The following LIN7A variants were observed in gnomAD, a reference collection of about 807,000 sequenced individuals.
The protein encoded by LIN7A is lin-7 cell polarity scaffold A.
LIN7A carries 25 observed loss-of-function variants against 29.8 expected under a neutral mutation model. That is an observed-to-expected ratio of 0.84 (90% CI 0.61 to 1.17). The LOEUF is 1.17. Ranked by LOEUF, LIN7A falls within the 50% of genes most tolerant of loss-of-function variation. The pLI is 0.00. For missense variants in LIN7A, 239 were observed against 287.0 expected, an observed-to-expected ratio of 0.83 and a Z score of 1.21; for synonymous variants, 118 against 107.5, an observed-to-expected ratio of 1.10 and a Z score of -0.60.
intron 1 of LIN7A, among the ~76,000 whole-genome samples, chr12:80,893,510 C>G (rs932689065): frequency 2.6e-5 from 4 of 152,196 alleles, no homozygotes; most frequent in African/African-American, 9.7e-5. Flanking sequence ...CTTATAAAAG[C>G]TGAGCCAACC....
At chr12:80,815,489 A>G (rs768229107) in intron 4 of LIN7A, among the ~76,000 whole-genome samples, 34 of 152,222 alleles carry the variant, frequency 2.2e-4, no homozygotes, top group Non-Finnish European at 4.0e-4. Context: ...TTTCTAGCTA[A>G]ATATTTAAGA....
In LIN7A at chr12:80,876,158, A is replaced by T. The variant is rs11114642; in HGVS notation, c.201+13093T>A. On this transcript the variant is annotated intron_variant, in intron 2 of 5. Transcript: ENST00000552864. Reference sequence around the variant, plus strand: ...AAACAAATTGAAATCTCCCACTGAGACAAAAGCTGGGAACACAAGTAGCTA... The same window carrying T: ...AAACAAATTGAAATCTCCCACTGAGTCAAAAGCTGGGAACACAAGTAGCTA... 4.0e-3 allele frequency among the ~76,000 whole-genome samples: 605 copies of T among 152,236 alleles called. 35 individuals carry two copies. The East Asian group carries it at 0.11, about 27-fold the overall frequency.
chr12:80,833,267 A>T (rs140122155), intron 4 of LIN7A, among the ~76,000 whole-genome samples: 2 of 152,324 alleles, frequency 1.3e-5, no homozygotes, highest in African/African-American at 4.8e-5. Context: ...TGTGTCAACA[A>T]GAGGCAAGAT....
intron 4 of LIN7A, among the ~76,000 whole-genome samples, chr12:80,844,238 G>A (rs1216986170): frequency 6.6e-6 from 1 of 151,878 alleles, no homozygotes; most frequent in Non-Finnish European, 1.5e-5. Flanking sequence ...GTTATCTAAA[G>A]GTCAATAAAA....
chr12:80,833,902 A>C (rs1261642632), intron 4 of LIN7A, among the ~76,000 whole-genome samples: 1 of 152,214 alleles, frequency 6.6e-6, no homozygotes, highest in Non-Finnish European at 1.5e-5. Flanking sequence ...ATAACCGGCT[A>C]GAATTGTAAT....
chr12:80,847,829 G>A (rs985453001), intron 3 of LIN7A, among the ~76,000 whole-genome samples: 1 of 152,178 alleles, frequency 6.6e-6, no homozygotes, highest in Non-Finnish European at 1.5e-5. Context: ...ATACACAGAA[G>A]TATCCTAGAT....
Position 80,864,670 on chromosome 12 carries a change from G to A in LIN7A, c.202-16348C>T, listed in dbSNP as rs186363458. Among the ~76,000 whole-genome samples, 33 of 152,242 alleles carry A rather than the reference G, an allele frequency of 2.2e-4. No individual in the cohort carries two copies. In the East Asian group the frequency reaches 6.2e-3, roughly 28 times the overall value. ...ACTAAACTTCATTTAACTTTTGGAA[G>A]TGATATGCCAGGTTCAATTATAGTA... On this transcript the variant is annotated intron_variant, in intron 2 of 5. Transcript: ENST00000552864.
intron 1 of LIN7A, among the ~76,000 whole-genome samples, chr12:80,922,010 T>A (rs1157750464): frequency 6.6e-6 from 1 of 152,220 alleles, no homozygotes; most frequent in Non-Finnish European, 1.5e-5. Context: ...CCTTATTTGT[T>A]TTATCTTCCA....
intron 1 of LIN7A, among the ~76,000 whole-genome samples, chr12:80,905,110 T>C (rs187252202): frequency 5.3e-5 from 8 of 152,262 alleles, no homozygotes; most frequent in Admixed American, 3.9e-4. Flanking sequence ...ACATCTCATA[T>C]AGAGATCATT....
At chr12:80,887,879 T>C (rs1380112526) in intron 2 of LIN7A, among the ~76,000 whole-genome samples, 3 of 151,954 alleles carry the variant, frequency 2.0e-5, no homozygotes, top group African/African-American at 7.2e-5. Context: ...TGGTAGAATC[T>C]CTAAAAAGGA....
intron 4 of LIN7A, among the ~76,000 whole-genome samples, chr12:80,844,521 G>A (rs1872968065): frequency 6.6e-6 from 1 of 152,062 alleles, no homozygotes; most frequent in African/African-American, 2.4e-5. Flanking sequence ...TGTGTCCCAA[G>A]CATAAATCAA....
chr12:80,866,355 T>G (rs553574377), intron 2 of LIN7A, among the ~76,000 whole-genome samples: 1 of 152,344 alleles, frequency 6.6e-6, no homozygotes, highest in East Asian at 1.9e-4. Flanking sequence ...TTTTGAAAAC[T>G]ATGAAAGCAT....
At chr12:80,874,038 C>A (rs1300535385) in intron 2 of LIN7A, among the ~76,000 whole-genome samples, 1 of 151,956 alleles carries the variant, frequency 6.6e-6, no homozygotes. Flanking sequence ...TCTGAGATGT[C>A]CTACTGTTGA....
chr12:80,883,594 T>A (rs1422564995), intron 2 of LIN7A, among the ~76,000 whole-genome samples: 1 of 152,174 alleles, frequency 6.6e-6, no homozygotes, highest in Non-Finnish European at 1.5e-5. Context: ...AGGGATACTG[T>A]GGGATCCTAC....
At chr12:80,849,291 C>A (rs544060990) in intron 2 of LIN7A, among the ~76,000 whole-genome samples, 4 of 152,138 alleles carry the variant, frequency 2.6e-5, no homozygotes, top group Non-Finnish European at 4.4e-5. Context: ...AGCTGCTAAA[C>A]GTACTTCCAG....
chr12:80,834,436 A>T (rs1708626060), intron 4 of LIN7A, among the ~76,000 whole-genome samples: 1 of 152,198 alleles, frequency 6.6e-6, no homozygotes, highest in Admixed American at 6.5e-5. Flanking sequence ...CTGAAGGGCA[A>T]GGTCAATAAT....
intron 2 of LIN7A, among the ~76,000 whole-genome samples, chr12:80,886,588 G>C (rs1019094833): frequency 6.6e-6 from 1 of 151,992 alleles, no homozygotes; most frequent in Non-Finnish European, 1.5e-5. Flanking sequence ...TGTATAACGT[G>C]CATTGCCTTT....
In LIN7A at chr12:80,914,451, C is replaced by T. The variant is rs779634204; in HGVS notation, c.82+23190G>A. Among the ~76,000 whole-genome samples the T allele has an allele frequency of 7.2e-5, 11 of 152,126 alleles. 1 individual carries two copies. The highest frequency in any genetic ancestry group is 4.4e-5 in the Non-Finnish European group (3 of 68,020). ...CGAATCTTCCCCATACATTCAATCC[C>T]GCAACCAATTTTCACATTAGTTAAT... On this transcript the variant is annotated intron_variant, in intron 1 of 5. Coordinates refer to ENST00000552864, the MANE Select transcript of LIN7A (RefSeq NM_004664.4).
chr12:80,932,173 T>C (rs1877949918), intron 1 of LIN7A, among the ~76,000 whole-genome samples: 1 of 152,194 alleles, frequency 6.6e-6, no homozygotes. Flanking sequence ...CCTTGAAAAG[T>C]GAAAAGGGAA....
Sources: gnomAD v4.1 joint callset for allele counts (sites outside exome capture counted in the v4.1 genomes callset) on GRCh38, gnomAD v4.1.1 for gene constraint, MANE v1.5 for transcripts, NCBI Gene and HGNC (gene_info 2026-07-23, HGNC 2026-07-21) for gene names.